Variants in LIMK2 observed in about 807,000 individuals in gnomAD.
LIMK2 encodes the protein LIM domain kinase 2.
LIMK2 carries 35 observed loss-of-function variants against 75.7 expected under a neutral mutation model. That is an observed-to-expected ratio of 0.46 (90% CI 0.35 to 0.61). The LOEUF is 0.61. LIMK2 is among the 20% of genes least tolerant of loss of function. The pLI is 0.00. For missense variants in LIMK2, 623 were observed against 831.0 expected (o/e 0.75, Z 3.08); for synonymous variants, 301 against 319.2 (o/e 0.94, Z 0.61).
intron 14 of LIMK2, among the ~76,000 whole-genome samples, chr22:31,274,066 G>T (rs1164307906): frequency 2.0e-5 from 3 of 150,894 alleles, no homozygotes; most frequent in Non-Finnish European, 4.4e-5. Context: ...CTTGCACATG[G>T]TCGATAAGGG....
chr22:31,267,943 G>C (rs1601440084), intron 10 of LIMK2, 36 bp downstream of exon 10: 4 of 1,573,894 alleles, frequency 2.5e-6, no homozygotes, highest in East Asian at 2.2e-5. Flanking sequence ...AGGAGCCTTG[G>C]TGGGTTGTCA....
chr22:31,275,377 C>G, intron 15 of LIMK2, 69 bp downstream of exon 15: 2 of 1,509,436 alleles, frequency 1.3e-6, no homozygotes. Context: ...AAGGCCACCC[C>G]TGAGCCCTCT....
chr22:31,246,234 G>A (rs2123809406), intron 2 of LIMK2, among the ~76,000 whole-genome samples: 1 of 104,004 alleles, frequency 9.6e-6, no homozygotes, highest in South Asian at 2.8e-4. Context: ...ATGGTGGCCA[G>A]CACGTGTGGT....
intron 7 of LIMK2, among the ~76,000 whole-genome samples, chr22:31,263,826 A>G (rs1367396311): frequency 6.6e-6 from 1 of 152,130 alleles, no homozygotes; most frequent in Non-Finnish European, 1.5e-5. Context: ...TCCTGTCTCT[A>G]CAAAGAATAA....
rs189962339 is a variant in LIMK2 at position 31,245,859 on chromosome 22, G to A, written c.117-12432G>A. On this transcript the variant is annotated intron_variant, in intron 2 of 15. Coordinates refer to ENST00000331728, the MANE Select transcript of LIMK2 (RefSeq NM_005569.4). ...AGCCTGGGCAACAAAGTGAGACCCT[G>A]TCTCTACAAAAAATAAAAAAAAATA... Among the ~76,000 whole-genome samples, 786 of 151,974 alleles carry A rather than the reference G, an allele frequency of 5.2e-3. 5 individuals are homozygous for A. Among genetic ancestry groups the A allele is most frequent in the African/African-American group, 0.018 (746 of 41,422 alleles).
At chr22:31,257,675 A>T (rs972081921) in intron 2 of LIMK2, among the ~76,000 whole-genome samples, 3 of 152,128 alleles carry the variant, frequency 2.0e-5, no homozygotes, top group Non-Finnish European at 4.4e-5. Context: ...TAGGGTTTTT[A>T]AAATCTGTGC....
chr22:31,219,867 C>T (rs867050435), intron 1 of LIMK2, among the ~76,000 whole-genome samples: 81 of 152,256 alleles, frequency 5.3e-4, no homozygotes, highest in African/African-American at 1.8e-3. Context: ...CCACCACGCC[C>T]GGCTCTTTTC....
chr22:31,214,458 G>A (rs1301125339), intron 1 of LIMK2, among the ~76,000 whole-genome samples: 12 of 152,096 alleles, frequency 7.9e-5, no homozygotes, highest in Admixed American at 7.9e-4. Context: ...CACCAGGGGT[G>A]AGGGTTTTCT....
intron 1 of LIMK2, among the ~76,000 whole-genome samples, chr22:31,215,202 G>C (rs896787086): frequency 1.3e-5 from 2 of 152,220 alleles, no homozygotes; most frequent in African/African-American, 2.4e-5. Flanking sequence ...TTCAAGTTTA[G>C]TGCTTCCTCC....
At chr22:31,221,458 C>T (rs2048433290) in intron 1 of LIMK2, among the ~76,000 whole-genome samples, 1 of 152,034 alleles carries the variant, frequency 6.6e-6, no homozygotes, top group Non-Finnish European at 1.5e-5. Context: ...CTTCGTACCA[C>T]TTGCCCCAAT....
At chr22:31,228,049 TGA>T (rs552235525) in intron 2 of LIMK2, among the ~76,000 whole-genome samples, 28 of 147,680 alleles carry the variant, frequency 1.9e-4, no homozygotes, top group Admixed American at 6.8e-4. Context: ...TGTGTGTGTG[TGA>T]GATAGAGACA....
intron 12 of LIMK2, among the ~76,000 whole-genome samples, chr22:31,272,126 T>C (rs1296672636): frequency 6.6e-6 from 1 of 152,200 alleles, no homozygotes; most frequent in African/African-American, 2.4e-5. Flanking sequence ...AGTGGTGCAA[T>C]CTTGGCTTAC....
At chr22:31,226,919 A>G (rs1489537331) in intron 2 of LIMK2, among the ~76,000 whole-genome samples, 2 of 152,202 alleles carry the variant, frequency 1.3e-5, no homozygotes, top group South Asian at 2.1e-4. Flanking sequence ...CTATAGCTAC[A>G]TTATTTTTGT....
At chr22:31,246,991 C>T (rs1486543194) in intron 2 of LIMK2, among the ~76,000 whole-genome samples, 2 of 152,158 alleles carry the variant, frequency 1.3e-5, no homozygotes, top group African/African-American at 2.4e-5. Flanking sequence ...AGTATTCAAA[C>T]CCATGTGCTC....
chr22:31,245,788 C>T (rs534078029), intron 2 of LIMK2, among the ~76,000 whole-genome samples: 2 of 152,232 alleles, frequency 1.3e-5, no homozygotes, highest in Admixed American at 1.3e-4. Flanking sequence ...CAAAAGAATG[C>T]TTTGTGACAT....
rs537811056 is a variant in LIMK2, at chr22:31,262,019, G to A, written c.552-115G>A. On this transcript the variant is annotated intron_variant, in intron 5 of 15. Transcript: ENST00000331728. The surrounding 1 kb of genome is among the most constrained non-coding windows in gnomAD (Gnocchi z 5.0). ...TTGCCTTTCTGTGTGGGTATCCTGGGCCCCTTAGGGGCCACTGGTGGCCTG... is the reference window on the plus strand; with the variant it reads ...TTGCCTTTCTGTGTGGGTATCCTGGACCCCTTAGGGGCCACTGGTGGCCTG... The A allele has an allele frequency of 1.3e-6, 1 of 773,298 alleles. No individual in the cohort carries two copies. The highest frequency in any genetic ancestry group is 2.3e-6 in the Non-Finnish European group (1 of 440,526). 47.9% of individuals were successfully genotyped at this position (773,298 alleles called of 1,614,324 possible). A position where few individuals can be genotyped will look rare whatever the true frequency, so the allele number is the denominator to read the frequency against.
At chr22:31,268,017 G>A in intron 10 of LIMK2, 110 bp downstream of exon 10, 1 of 1,541,316 alleles carries the variant, frequency 6.5e-7, no homozygotes, top group Non-Finnish European at 8.9e-7. Flanking sequence ...TGCCTCCAAA[G>A]GACCATGCTG....
rs534423707 is a variant in LIMK2, at chr22:31,252,655, C to T, written c.117-5636C>T. Among the ~76,000 whole-genome samples the T allele has an allele frequency of 7.2e-5, 11 of 152,118 alleles. No individual in the cohort carries two copies. In the South Asian group the frequency reaches 2.1e-3, roughly 29 times the overall value. On this transcript the variant is annotated intron_variant, in intron 2 of 15. Transcript: ENST00000331728. ...TTCATTCTGGGCTGAGAAGCAGGTC[C>T]ATATTGCTAGGCATAGGAGAAAAAG...
chr22:31,275,723 A>G (rs958581512), intron 15 of LIMK2: 1 of 164,480 alleles, frequency 6.1e-6, no homozygotes, highest in Non-Finnish European at 1.3e-5. Context: ...TGTCGACAAC[A>G]TGAAATTCTA....
Sources: gnomAD v4.1 joint callset for allele counts (sites outside exome capture counted in the v4.1 genomes callset) on GRCh38, gnomAD v4.1.1 for gene constraint, Gnocchi (gnomAD v3.1) non-coding constraint, MANE v1.5 for transcripts, NCBI Gene and HGNC (gene_info 2026-07-23, HGNC 2026-07-21) for gene names.